KIAA1549L: variants seen among roughly 807,000 people sequenced by gnomAD.
KIAA1549L encodes the protein KIAA1549 like, also known as UPF0606 protein KIAA1549L.
KIAA1549L carries 88 observed loss-of-function variants against 160.7 expected under a neutral mutation model. The ratio of observed to expected loss-of-function variants is 0.55; its 90% confidence interval spans 0.46 to 0.65. The LOEUF (loss-of-function observed/expected upper bound fraction) is 0.65. KIAA1549L is among the 30% of genes least tolerant of loss of function. The pLI is 0.00. For synonymous variants in KIAA1549L, 950 were observed against 976.7 expected, an observed-to-expected ratio of 0.97 and a Z score of 0.51; for missense variants, 2,258 against 2,437.5, an observed-to-expected ratio of 0.93 and a Z score of 1.55.
At chr11:33,614,578 ATATATATTTTTTTTTT>A (rs2133341285) in intron 15 of KIAA1549L, among the ~76,000 whole-genome samples, 1 of 9,426 alleles carries the variant, frequency 1.1e-4, no homozygotes, top group Non-Finnish European at 1.5e-4. Context: ...ATATATATAT[ATATATATTTTTTTTTT>A]TTTTTTTTTT....
intron 13 of KIAA1549L, among the ~76,000 whole-genome samples, chr11:33,604,260 G>T (rs896603192): frequency 6.6e-6 from 1 of 152,214 alleles, no homozygotes; most frequent in African/African-American, 2.4e-5. Flanking sequence ...TAGTCAAGAT[G>T]TTGGCCTGAG....
intron 16 of KIAA1549L, among the ~76,000 whole-genome samples, chr11:33,629,869 T>G: frequency 7.9e-6 from 1 of 126,342 alleles, no homozygotes. Context: ...GCGCTCTGCT[T>G]TTTAGAGTTT....
intron 1 of KIAA1549L, among the ~76,000 whole-genome samples, chr11:33,435,804 A>ATGTGTG (rs1224054996): frequency 1.2e-4 from 2 of 17,136 alleles, no homozygotes; most frequent in South Asian, 2.0e-3. Flanking sequence ...ATATATATAT[A>ATGTGTG]TATATATGTG....
At chr11:33,434,425 C>T (rs573946816) in intron 1 of KIAA1549L, among the ~76,000 whole-genome samples, 2 of 152,280 alleles carry the variant, frequency 1.3e-5, no homozygotes, top group African/African-American at 4.8e-5. Flanking sequence ...ATTACCCAGT[C>T]CAAGGTGTGT....
intron 1 of KIAA1549L, among the ~76,000 whole-genome samples, chr11:33,378,860 C>G (rs1280817578): frequency 6.6e-6 from 1 of 152,118 alleles, no homozygotes; most frequent in Non-Finnish European, 1.5e-5. Flanking sequence ...CTGATTTCCA[C>G]TGGAGGCAGT....
intron 1 of KIAA1549L, among the ~76,000 whole-genome samples, chr11:33,460,908 TG>T (rs1260130883): frequency 6.6e-6 from 1 of 152,218 alleles, no homozygotes; most frequent in African/African-American, 2.4e-5. Context: ...CAAAACGTTC[TG>T]GGAGGCAGAC....
intron 1 of KIAA1549L, among the ~76,000 whole-genome samples, chr11:33,413,617 GTTTTAT>G (rs1040822565): frequency 6.6e-6 from 1 of 151,844 alleles, no homozygotes; most frequent in African/African-American, 2.4e-5. Context: ...ACTTTGGTCT[GTTTTAT>G]TTTTAATTAT....
chr11:33,593,508 G>A (rs1048279862), intron 12 of KIAA1549L, among the ~76,000 whole-genome samples: 1 of 152,202 alleles, frequency 6.6e-6, no homozygotes, highest in East Asian at 1.9e-4. Flanking sequence ...AGACTGTAGG[G>A]ATGCAGAGTG....
At chr11:33,647,073 G>A (rs1427578384) in intron 17 of KIAA1549L, among the ~76,000 whole-genome samples, 1 of 152,158 alleles carries the variant, frequency 6.6e-6, no homozygotes, top group Non-Finnish European at 1.5e-5. Context: ...TGCTTGGTAC[G>A]TAGGAAATGC....
intron 1 of KIAA1549L, among the ~76,000 whole-genome samples, chr11:33,454,470 G>A (rs1019004523): frequency 6.6e-6 from 1 of 152,170 alleles, no homozygotes; most frequent in Non-Finnish European, 1.5e-5. Context: ...TGTGCCTGGG[G>A]TAGGTCTAAA....
chr11:33,526,469 G>A (rs549362900), intron 1 of KIAA1549L, among the ~76,000 whole-genome samples: 1 of 152,288 alleles, frequency 6.6e-6, no homozygotes, highest in African/African-American at 2.4e-5. Flanking sequence ...TCCATAGCTG[G>A]GAGACCTGAA....
intron 1 of KIAA1549L, among the ~76,000 whole-genome samples, chr11:33,423,291 G>T: frequency 6.6e-6 from 1 of 152,146 alleles, no homozygotes; most frequent in South Asian, 2.1e-4. Flanking sequence ...TAAAATTGAG[G>T]CAAGAACACA....
At chr11:33,439,526 C>T (rs1039471050) in intron 1 of KIAA1549L, among the ~76,000 whole-genome samples, 1 of 151,486 alleles carries the variant, frequency 6.6e-6, no homozygotes, top group Non-Finnish European at 1.5e-5. Flanking sequence ...CCTCAGCCTC[C>T]GGAGTAGCTG....
At chr11:33,443,720 T>C (rs559102787) in intron 1 of KIAA1549L, among the ~76,000 whole-genome samples, 1 of 142,776 alleles carries the variant, frequency 7.0e-6, no homozygotes, top group Admixed American at 7.3e-5. Context: ...AAGTTGTATT[T>C]ATGGAATTGA....
intron 1 of KIAA1549L, among the ~76,000 whole-genome samples, chr11:33,432,616 C>G (rs1590240358): frequency 6.6e-6 from 1 of 152,022 alleles, no homozygotes; most frequent in Non-Finnish European, 1.5e-5. Flanking sequence ...AAAATATGGG[C>G]ATTCTTCAAG....
chr11:33,407,588 A>G (rs771704280), intron 1 of KIAA1549L, among the ~76,000 whole-genome samples: 2 of 151,988 alleles, frequency 1.3e-5, no homozygotes, highest in Non-Finnish European at 2.9e-5. Context: ...ACCTCAAGTG[A>G]TCTGCCCGCT....
intron 1 of KIAA1549L, among the ~76,000 whole-genome samples, chr11:33,437,137 G>A (rs1851397221): frequency 6.6e-6 from 1 of 152,098 alleles, no homozygotes; most frequent in African/African-American, 2.4e-5. Context: ...TGGCCTGCTG[G>A]GATGAGTATG....
At chr11:33,577,022 G>A (rs1248895440) in intron 10 of KIAA1549L, among the ~76,000 whole-genome samples, 1 of 152,156 alleles carries the variant, frequency 6.6e-6, no homozygotes, top group Non-Finnish European at 1.5e-5. Context: ...TGAGCCCTGG[G>A]GAATCCACAT....
chr11:33,580,697 A>G (rs1565196037), intron 10 of KIAA1549L, among the ~76,000 whole-genome samples: 1 of 152,106 alleles, frequency 6.6e-6, no homozygotes, highest in South Asian at 2.1e-4. Context: ...AGCACCTACT[A>G]TGTGCAGGGC....
Sources: allele counts gnomAD v4.1 joint callset (sites outside exome capture counted in the v4.1 genomes callset), GRCh38; gene constraint gnomAD v4.1.1; transcripts MANE v1.5; gene names NCBI Gene and HGNC (gene_info 2026-07-23, HGNC 2026-07-21).